Variants in DLGAP1 observed in about 807,000 individuals in gnomAD.
DLGAP1 encodes the protein DLG associated protein 1, also known as disks large-associated protein 1.
DLGAP1 carries 11 observed loss-of-function variants against 90.8 expected under a neutral mutation model. The observed-to-expected ratio is 0.12, with a 90% CI of 0.08 to 0.20. DLGAP1 has a LOEUF of 0.20. Ranked by LOEUF, DLGAP1 falls within the 10% of genes least tolerant of loss-of-function variation. The probability of loss-of-function intolerance (pLI) is 1.00; values close to 1 mark genes in which losing one functional copy is unlikely to be tolerated. For synonymous variants in DLGAP1, 558 were observed against 540.7 expected, an observed-to-expected ratio of 1.03 and a Z score of -0.44; for missense variants, 1,050 against 1,333.8, an observed-to-expected ratio of 0.79 and a Z score of 3.31.
intron 4 of DLGAP1, among the ~76,000 whole-genome samples, chr18:3,872,909 A>G (rs934680449): frequency 6.6e-6 from 1 of 152,194 alleles, no homozygotes; most frequent in Non-Finnish European, 1.5e-5. Flanking sequence ...AACTAATGCT[A>G]TGCCTTTAAT....
At chr18:3,567,752 G>C (rs2054520506) in intron 8 of DLGAP1, among the ~76,000 whole-genome samples, 171 bp from the exon 9 acceptor site, 1 of 152,104 alleles carries the variant, frequency 6.6e-6, no homozygotes. Context: ...CTTTGACTCT[G>C]TTGCTGTTAG....
intron 1 of DLGAP1, among the ~76,000 whole-genome samples, chr18:4,347,300 A>G (rs2081318263): frequency 1.3e-5 from 2 of 152,124 alleles, no homozygotes; most frequent in Non-Finnish European, 2.9e-5. Flanking sequence ...GTACTCTACA[A>G]ATTGCTGCAA....
intron 2 of DLGAP1, among the ~76,000 whole-genome samples, chr18:4,011,956 C>T (rs2074432046): frequency 6.6e-6 from 1 of 152,186 alleles, no homozygotes; most frequent in African/African-American, 2.4e-5. Context: ...TGTGATGAGA[C>T]CTGTATCCAC....
At chr18:3,951,698 T>C (rs2072988384) in intron 3 of DLGAP1, among the ~76,000 whole-genome samples, 1 of 152,158 alleles carries the variant, frequency 6.6e-6, no homozygotes, top group Non-Finnish European at 1.5e-5. Flanking sequence ...GATTGGAATA[T>C]GGGAGCGGTT....
At chr18:3,697,054 A>G (rs1300047459) in intron 7 of DLGAP1, among the ~76,000 whole-genome samples, 1 of 151,994 alleles carries the variant, frequency 6.6e-6, no homozygotes, top group Non-Finnish European at 1.5e-5. Flanking sequence ...CCCCTTTATC[A>G]TTTTTTATTG....
chr18:4,368,636 TACACACACACACACACACAC>T (rs55840615), intron 1 of DLGAP1, among the ~76,000 whole-genome samples: 24 of 135,032 alleles, frequency 1.8e-4, no homozygotes, highest in African/African-American at 5.6e-4. Flanking sequence ...CTCTCTCTCA[TACACACACACACACACACAC>T]ACACACACAC....
intron 2 of DLGAP1, among the ~76,000 whole-genome samples, chr18:4,089,484 A>G (rs986759145): frequency 6.6e-6 from 1 of 152,204 alleles, no homozygotes; most frequent in African/African-American, 2.4e-5. Context: ...AAAAGGGCCC[A>G]TATAGCCAAG....
chr18:4,336,304 A>T (rs2081066709), intron 1 of DLGAP1, among the ~76,000 whole-genome samples: 3 of 152,214 alleles, frequency 2.0e-5, no homozygotes, highest in Admixed American at 2.0e-4. Flanking sequence ...TGGTCCATAG[A>T]GGTGGACTCT....
chr18:4,197,500 T>G lies in DLGAP1; in HGVS notation c.-266-46213A>C, dbSNP rs2077523297. Among the ~76,000 whole-genome samples, 3 of 152,148 alleles carry G rather than the reference T, an allele frequency of 2.0e-5. No individual in the cohort carries two copies. In the South Asian group the frequency reaches 6.2e-4, roughly 32 times the overall value. ...CGATCAAGTCTGTATTGGAGGAAGA[T>G]AACAATGGTGGCATTGTGAAGTGGC... On this transcript the variant is annotated intron_variant, in intron 1 of 12. Transcript: ENST00000315677.
In DLGAP1 at chr18:3,526,982, CA is replaced by C. The variant is rs879558929; in HGVS notation, c.2479+7211del. ...CAGTTTCATTATTTTATTATCAAGC[CA>C]AAAAAAAAAAGGTACTGTCGACGGT... On this transcript the variant is annotated intron_variant, in intron 10 of 12. Transcript: ENST00000315677. This position sits in a 1 kb window ranked among gnomAD's most constrained non-coding sequence, Gnocchi z 4.7. Among the ~76,000 whole-genome samples the C allele has an allele frequency of 0.014, 1,954 of 138,178 alleles. 31 individuals carry two copies. The highest frequency in any genetic ancestry group is 0.016 in the Non-Finnish European group (1,025 of 63,074). 90.7% of individuals were successfully genotyped at this position (138,178 alleles called of 152,430 possible). A position where few individuals can be genotyped will look rare whatever the true frequency, so the allele number is the denominator to read the frequency against.
intron 3 of DLGAP1, among the ~76,000 whole-genome samples, chr18:3,989,834 A>C (rs1179438812): frequency 6.6e-6 from 1 of 152,226 alleles, no homozygotes; most frequent in Non-Finnish European, 1.5e-5. Flanking sequence ...ATATGAACAG[A>C]CACTTCTCAA....
chr18:4,437,979 T>C lies in DLGAP1; in HGVS notation c.-267+17027A>G, dbSNP rs540094801. 5.2e-4 allele frequency among the ~76,000 whole-genome samples: 79 copies of C among 152,272 alleles called. 2 individuals are homozygous for C. In the South Asian group the frequency reaches 0.015, roughly 29 times the overall value. The stretch of plus-strand genomic sequence containing the variant: ...TCTCTGAATTGTCCACTTAATATAG[T>C]TGGAGGTTATGTTAAGGTAGAGAAA... On this transcript the variant is annotated intron_variant, in intron 1 of 12. Coordinates refer to ENST00000315677, the MANE Select transcript of DLGAP1 (RefSeq NM_004746.4).
At position 3,972,507 on chromosome 18, in the gene DLGAP1, ACTCT is replaced by A. The variant is rs748773454; in HGVS notation, c.-73+32605_-73+32608del. ...AGGCAGTTGAGTCACACACACACAC[ACTCT>A]CTCTCTCTCTCTTTCTTTCTTTCTC... On this transcript the variant is annotated intron_variant, in intron 3 of 12. Transcript: ENST00000315677. Among the ~76,000 whole-genome samples, 721 of 150,000 alleles carry A rather than the reference ACTCT, an allele frequency of 4.8e-3. 2 individuals are homozygous for A. The highest frequency in any genetic ancestry group is 6.7e-3 in the Admixed American group (101 of 15,040).
intron 2 of DLGAP1, among the ~76,000 whole-genome samples, chr18:4,117,836 A>G (rs940651396): frequency 6.6e-6 from 1 of 152,118 alleles, no homozygotes; most frequent in South Asian, 2.1e-4. Context: ...GGGTCAGTTC[A>G]GCCAGCTGTG....
At chr18:4,130,242 T>C (rs946157311) in intron 2 of DLGAP1, among the ~76,000 whole-genome samples, 1 of 152,190 alleles carries the variant, frequency 6.6e-6, no homozygotes, top group Non-Finnish European at 1.5e-5. Flanking sequence ...TATCTCCTAT[T>C]TCCCAAATTT....
intron 7 of DLGAP1, among the ~76,000 whole-genome samples, chr18:3,700,212 C>T (rs950476936): frequency 6.6e-6 from 1 of 152,164 alleles, no homozygotes; most frequent in Non-Finnish European, 1.5e-5. Flanking sequence ...GTCTAAATAG[C>T]CACCCAGTTT....
intron 1 of DLGAP1, among the ~76,000 whole-genome samples, chr18:4,429,783 G>A (rs1459219321): frequency 1.3e-5 from 2 of 152,050 alleles, no homozygotes; most frequent in Non-Finnish European, 2.9e-5. Flanking sequence ...AAAAAGCCAG[G>A]AAATCTTCCA....
At chr18:4,216,711 T>G (rs2144932673) in intron 1 of DLGAP1, among the ~76,000 whole-genome samples, 1 of 152,252 alleles carries the variant, frequency 6.6e-6, no homozygotes, top group East Asian at 1.9e-4. Context: ...ATGACTGAAC[T>G]TTTAAATTGG....
At chr18:4,009,188 C>A (rs748416496) in intron 2 of DLGAP1, among the ~76,000 whole-genome samples, 1 of 152,056 alleles carries the variant, frequency 6.6e-6, no homozygotes, top group Non-Finnish European at 1.5e-5. Context: ...CAGGTGTGAG[C>A]CACTGCACCT....
Sources: allele counts gnomAD v4.1 joint callset (sites outside exome capture counted in the v4.1 genomes callset), GRCh38; gene constraint gnomAD v4.1.1; non-coding constraint Gnocchi (gnomAD v3.1); transcripts MANE v1.5; gene names NCBI Gene and HGNC (gene_info 2026-07-23, HGNC 2026-07-21).